Variants in PLD5 observed in about 807,000 individuals in gnomAD.
The protein encoded by PLD5 is phospholipase D family member 5.
In PLD5, 36 loss-of-function variants were observed where a neutral mutation model predicts 61.1. That is an observed-to-expected ratio of 0.59 (90% CI 0.45 to 0.78). PLD5 has a LOEUF of 0.78. Ranked by LOEUF, PLD5 falls within the 30% of genes least tolerant of loss-of-function variation. The probability of loss-of-function intolerance (pLI) is 0.00; values close to 1 mark genes in which losing one functional copy is unlikely to be tolerated. For missense variants in PLD5, 515 were observed against 644.4 expected, an observed-to-expected ratio of 0.80 and a Z score of 2.17; for synonymous variants, 243 against 242.8, an observed-to-expected ratio of 1.00 and a Z score of -0.01.
At chr1:242,378,792 GA>G (rs1229151922) in intron 1 of PLD5, among the ~76,000 whole-genome samples, 1 of 151,964 alleles carries the variant, frequency 6.6e-6, no homozygotes, top group African/African-American at 2.4e-5. Context: ...AGTGAGCAGA[GA>G]TCACACCACT....
At chr1:242,208,513 C>T (rs373523267) in intron 5 of PLD5, among the ~76,000 whole-genome samples, 2 of 152,140 alleles carry the variant, frequency 1.3e-5, no homozygotes. Flanking sequence ...ACTGAAACAG[C>T]ATTTCATAAC....
chr1:242,190,475 TCCTCAGGGATG>T (rs1437732992), intron 5 of PLD5, among the ~76,000 whole-genome samples: 1 of 151,974 alleles, frequency 6.6e-6, no homozygotes, highest in African/African-American at 2.4e-5. Flanking sequence ...GACGAGGTGC[TCCTCAGGGATG>T]TGACTATCGT....
intron 2 of PLD5, among the ~76,000 whole-genome samples, chr1:242,340,701 C>T (rs112686720): frequency 6.6e-6 from 1 of 152,026 alleles, no homozygotes; most frequent in African/African-American, 2.4e-5. Context: ...GAAAAGAAAA[C>T]AAGGCACAGT....
chr1:242,215,371 TA>T (rs1274961758), intron 5 of PLD5, among the ~76,000 whole-genome samples: 1 of 151,956 alleles, frequency 6.6e-6, no homozygotes, highest in African/African-American at 2.4e-5. Context: ...GTTCAACTCT[TA>T]AAAATATGCT....
At chr1:242,518,079 A>C (rs12041529) in intron 1 of PLD5, among the ~76,000 whole-genome samples, 1 of 152,196 alleles carries the variant, frequency 6.6e-6, no homozygotes, top group African/African-American at 2.4e-5. Context: ...ATCCAGTCCC[A>C]TGATGCCCAG....
intron 5 of PLD5, among the ~76,000 whole-genome samples, chr1:242,166,502 G>A (rs950886413): frequency 2.0e-5 from 3 of 151,904 alleles, no homozygotes; most frequent in African/African-American, 7.3e-5. Context: ...CCTGATGGGA[G>A]CACTGCATAC....
At chr1:242,252,114 A>G (rs545854199) in intron 4 of PLD5, among the ~76,000 whole-genome samples, 1 of 152,316 alleles carries the variant, frequency 6.6e-6, no homozygotes, top group East Asian at 1.9e-4. Context: ...TAGTTGAATT[A>G]CCAAGCATGA....
intron 5 of PLD5, among the ~76,000 whole-genome samples, chr1:242,186,638 A>AG (rs1258430361): frequency 6.6e-6 from 1 of 151,860 alleles, no homozygotes; most frequent in African/African-American, 2.4e-5. Context: ...AATTTTCAAG[A>AG]GAAAAAAAAC....
chr1:242,331,004 T>C (rs1659135553), intron 2 of PLD5, among the ~76,000 whole-genome samples: 1 of 152,198 alleles, frequency 6.6e-6, no homozygotes. Context: ...CCTTCTTCTT[T>C]TTCATCCTTT....
intron 1 of PLD5, chr1:242,376,813 C>T: frequency 8.8e-7 from 1 of 1,136,824 alleles, no homozygotes; most frequent in Non-Finnish European, 1.2e-6. Context: ...TATATTGCAA[C>T]AGCCTAGACA....
chr1:242,450,604 C>G (rs1666741409), intron 1 of PLD5, among the ~76,000 whole-genome samples: 1 of 152,132 alleles, frequency 6.6e-6, no homozygotes, highest in African/African-American at 2.4e-5. Flanking sequence ...TCCAGCAAAG[C>G]TAAATACTTG....
chr1:242,397,346 G>GTT (rs112932499), intron 1 of PLD5, among the ~76,000 whole-genome samples: 39,919 of 145,146 alleles, frequency 0.28, 5,728 homozygotes, highest in Middle Eastern at 0.4. Flanking sequence ...TTTTTTCTTT[G>GTT]TTTTTTTTTT....
intron 1 of PLD5, among the ~76,000 whole-genome samples, chr1:242,518,094 G>C (rs1359583438): frequency 6.6e-6 from 1 of 152,176 alleles, no homozygotes; most frequent in Non-Finnish European, 1.5e-5. Flanking sequence ...GCCCAGGCAG[G>C]TAGTTCAACT....
chr1:242,295,786 C>T (rs1167817662), intron 2 of PLD5, among the ~76,000 whole-genome samples: 1 of 152,220 alleles, frequency 6.6e-6, no homozygotes, highest in African/African-American at 2.4e-5. Context: ...CTTTTCTCTA[C>T]ATCCATGCCA....
intron 4 of PLD5, among the ~76,000 whole-genome samples, chr1:242,264,099 T>C (rs1175587986): frequency 2.6e-5 from 4 of 151,518 alleles, no homozygotes; most frequent in South Asian, 4.2e-4. Flanking sequence ...TAACCAAAAG[T>C]AATCAATTCC....
At chr1:242,147,202 A>G (rs1239576028) in intron 5 of PLD5, among the ~76,000 whole-genome samples, 4 of 150,582 alleles carry the variant, frequency 2.7e-5, no homozygotes, top group Non-Finnish European at 4.4e-5. Flanking sequence ...GGCAACCACT[A>G]ATCTGTTTTT....
chr1:242,182,497 G>C (rs1429699757), intron 5 of PLD5, among the ~76,000 whole-genome samples: 2 of 152,094 alleles, frequency 1.3e-5, no homozygotes, highest in African/African-American at 2.4e-5. Flanking sequence ...TTCACTTTGT[G>C]ATGGTCTTTG....
chr1:242,248,332 C>T (rs1672508287), intron 4 of PLD5, among the ~76,000 whole-genome samples: 1 of 152,090 alleles, frequency 6.6e-6, no homozygotes. Context: ...AATAATGTCA[C>T]ACTGGACACT....
At chr1:242,418,732 T>G (rs572973476) in intron 1 of PLD5, among the ~76,000 whole-genome samples, 1 of 152,268 alleles carries the variant, frequency 6.6e-6, no homozygotes, top group African/African-American at 2.4e-5. Flanking sequence ...ATCACCGAAT[T>G]GAGCATGATA....
Sources: gnomAD v4.1 joint callset for allele counts (sites outside exome capture counted in the v4.1 genomes callset) on GRCh38, gnomAD v4.1.1 for gene constraint, MANE v1.5 for transcripts, NCBI Gene and HGNC (gene_info 2026-07-23, HGNC 2026-07-21) for gene names.